The following TANC1 variants were observed in gnomAD, a reference collection of about 807,000 sequenced individuals.
TANC1 encodes the protein tetratricopeptide repeat, ankyrin repeat and coiled-coil containing 1.
In TANC1, 77 loss-of-function variants were observed where a neutral mutation model predicts 149.7. That is an observed-to-expected ratio of 0.51 (90% CI 0.43 to 0.62). The LOEUF (loss-of-function observed/expected upper bound fraction) is 0.62, where lower values mean the gene tolerates loss of function less well. Among genes scored for constraint, TANC1 ranks in the 20% least tolerant of loss-of-function variants. The probability of loss-of-function intolerance (pLI) is 0.00; values close to 1 mark genes in which losing one functional copy is unlikely to be tolerated. For missense variants in TANC1, 1,985 were observed against 2,321.8 expected (o/e 0.85, Z 2.98); for synonymous variants, 854 against 925.0 (o/e 0.92, Z 1.39).
At chr2:159,070,858 C>T (rs1346792134) in intron 3 of TANC1, among the ~76,000 whole-genome samples, 3 of 152,186 alleles carry the variant, frequency 2.0e-5, no homozygotes, top group African/African-American at 7.2e-5. Context: ...CTAATTGCAG[C>T]TCATTATGGT....
intron 2 of TANC1, among the ~76,000 whole-genome samples, chr2:159,002,892 T>A (rs191913478): frequency 1.4e-3 from 209 of 152,338 alleles, no homozygotes; most frequent in African/African-American, 4.7e-3. Context: ...GCAGGTCCTA[T>A]AAGGGCAGCC....
intron 11 of TANC1, among the ~76,000 whole-genome samples, chr2:159,173,611 A>G (rs2055513051): frequency 6.6e-6 from 1 of 152,210 alleles, no homozygotes; most frequent in South Asian, 2.1e-4. Flanking sequence ...TCTCAAAAAA[A>G]TAAAATAAAT....
chr2:159,074,214 G>A (rs759189917), intron 3 of TANC1, among the ~76,000 whole-genome samples: 5 of 152,158 alleles, frequency 3.3e-5, no homozygotes, highest in Non-Finnish European at 5.9e-5. Context: ...CAGTGCAGTG[G>A]GTAAAGGTAA....
At chr2:159,156,779 C>T (rs1417680035) in intron 7 of TANC1, among the ~76,000 whole-genome samples, 1 of 152,226 alleles carries the variant, frequency 6.6e-6, no homozygotes, top group Non-Finnish European at 1.5e-5. Flanking sequence ...TATCAAAACA[C>T]TGTGCTTTTT....
intron 4 of TANC1, among the ~76,000 whole-genome samples, chr2:159,123,137 T>C (rs896096811): frequency 6.6e-6 from 1 of 152,182 alleles, no homozygotes; most frequent in African/African-American, 2.4e-5. Flanking sequence ...TCTTGGCCCA[T>C]GAGTGCAGGT....
chr2:159,230,306 CAG>C lies in TANC1; in HGVS notation c.4885_4886del (p.Arg1629AlafsTer52). 6.2e-7 allele frequency: 1 copy of C among 1,614,158 alleles called. No individual in the cohort carries two copies. Among genetic ancestry groups the C allele is most frequent in the Non-Finnish European group, 8.5e-7 (1 of 1,180,044 alleles). On this transcript the variant is annotated frameshift_variant, in exon 27 of 27. Coordinates refer to ENST00000263635, the MANE Select transcript of TANC1 (RefSeq NM_033394.3). LOFTEE classifies it high-confidence loss of function. This position sits in a 1 kb window ranked among gnomAD's most constrained non-coding sequence, Gnocchi z 4.4. ...CCTTTACCAAGTAAGACGAAAACCACAGAGAGGCTTCTGTCTCATTCCTCCGT... is the reference window on the plus strand; with the variant it reads ...CCTTTACCAAGTAAGACGAAAACCACAGAGGCTTCTGTCTCATTCCTCCGT...
chr2:159,126,819 C>T (rs73969456), intron 4 of TANC1, among the ~76,000 whole-genome samples: 25,751 of 152,234 alleles, frequency 0.17, 2,303 homozygotes, highest in Middle Eastern at 0.25. Flanking sequence ...CCGAGAGCAT[C>T]GAGAGTTCAG....
chr2:158,980,281 A>G (rs1010540275), intron 1 of TANC1, among the ~76,000 whole-genome samples: 1 of 152,076 alleles, frequency 6.6e-6, no homozygotes, highest in Admixed American at 6.6e-5. Flanking sequence ...GAATTGTAGA[A>G]ACTTTTTTTT....
chr2:159,164,476 G>A (rs2054373345), intron 8 of TANC1, among the ~76,000 whole-genome samples: 1 of 152,156 alleles, frequency 6.6e-6, no homozygotes, highest in East Asian at 1.9e-4. Flanking sequence ...CCAGTGCATA[G>A]TGAAGGATGA....
chr2:159,004,299 G>T (rs2036925031), intron 2 of TANC1: 2 of 1,611,712 alleles, frequency 1.2e-6, no homozygotes, highest in African/African-American at 1.3e-5. Context: ...TTTTGATGAG[G>T]CATCAAAGAA....
chr2:159,054,087 C>T (rs1178727406), intron 2 of TANC1, among the ~76,000 whole-genome samples: 2 of 152,210 alleles, frequency 1.3e-5, no homozygotes, highest in African/African-American at 4.8e-5. Context: ...ATCTTTTCCA[C>T]CTGTTGAGCA....
intron 19 of TANC1, among the ~76,000 whole-genome samples, chr2:159,211,439 AGCAAG>A (rs2058976222): frequency 6.6e-6 from 1 of 152,196 alleles, no homozygotes; most frequent in Non-Finnish European, 1.5e-5. Flanking sequence ...TACTGCCCAT[AGCAAG>A]GCATTCTCTT....
intron 7 of TANC1, among the ~76,000 whole-genome samples, chr2:159,160,606 C>T (rs963429830): frequency 5.3e-5 from 8 of 152,130 alleles, no homozygotes; most frequent in Admixed American, 6.5e-5. Flanking sequence ...CCTCAGGGCT[C>T]GGATGGAGCT....
At chr2:159,030,009 C>G (rs1243864334) in intron 2 of TANC1, among the ~76,000 whole-genome samples, 2 of 152,122 alleles carry the variant, frequency 1.3e-5, no homozygotes, top group Non-Finnish European at 2.9e-5. Context: ...TTGATCATGT[C>G]TTCAATAACA....
chr2:159,151,224 C>T (rs1559352951), intron 7 of TANC1, among the ~76,000 whole-genome samples: 1 of 152,186 alleles, frequency 6.6e-6, no homozygotes, highest in Non-Finnish European at 1.5e-5. Flanking sequence ...CAGTAGTTTT[C>T]AGTCCCAGGT....
Position 159,228,558 on chromosome 2 carries a change from T to G in TANC1, c.4051-238T>G. On this transcript the variant is annotated intron_variant, in intron 25 of 26. Coordinates refer to ENST00000263635, the MANE Select transcript of TANC1 (RefSeq NM_033394.3). Reference sequence around the variant, plus strand: ...TCCACCGGGCTGTGAGGTTCCACCATCTGGCCTTCTTGGGGCACTGTTACT... The same window carrying G: ...TCCACCGGGCTGTGAGGTTCCACCAGCTGGCCTTCTTGGGGCACTGTTACT... 8.3e-6 allele frequency: 4 copies of G among 480,354 alleles called. No individual in the cohort carries two copies. The South Asian group carries it at 9.7e-5, about 12-fold the overall frequency. The allele number at this position is 480,354 out of a possible 1,614,324, so 29.8% of individuals were successfully genotyped here. A position where few individuals can be genotyped will look rare whatever the true frequency, so the allele number is the denominator to read the frequency against.
At chr2:159,010,674 GAC>G (rs2037667192) in intron 2 of TANC1, among the ~76,000 whole-genome samples, 1 of 150,980 alleles carries the variant, frequency 6.6e-6, no homozygotes, top group South Asian at 2.1e-4. Flanking sequence ...GATGTGGACG[GAC>G]AGGAGACTAC....
intron 4 of TANC1, among the ~76,000 whole-genome samples, chr2:159,122,302 G>A (rs2048927748): frequency 6.6e-6 from 1 of 152,050 alleles, no homozygotes; most frequent in Admixed American, 6.6e-5. Context: ...ATAGATGCTG[G>A]GGCTGGCCTT....
chr2:159,145,785 G>T (rs1012555716), intron 5 of TANC1, among the ~76,000 whole-genome samples: 1 of 152,098 alleles, frequency 6.6e-6, no homozygotes, highest in African/African-American at 2.4e-5. Context: ...ATGTGCTGCT[G>T]GGGGGAGTAT....
Sources: gnomAD v4.1 joint callset for allele counts (sites outside exome capture counted in the v4.1 genomes callset) on GRCh38, gnomAD v4.1.1 for gene constraint, Gnocchi (gnomAD v3.1) non-coding constraint, MANE v1.5 for transcripts, NCBI Gene and HGNC (gene_info 2026-07-23, HGNC 2026-07-21) for gene names.